The following TCF12 variants were observed in gnomAD, a reference collection of about 807,000 sequenced individuals.
TCF12 encodes the protein DNA-binding protein HTF4.
In TCF12, 45 loss-of-function variants were observed where a neutral mutation model predicts 86.0. The observed-to-expected ratio is 0.52, with a 90% CI of 0.41 to 0.67. The LOEUF (loss-of-function observed/expected upper bound fraction) is 0.67, where lower values mean the gene tolerates loss of function less well. Among genes scored for constraint, TCF12 ranks in the 30% least tolerant of loss-of-function variants. The pLI is 0.00. For synonymous variants in TCF12, 330 were observed against 299.6 expected (o/e 1.10, Z -1.05); for missense variants, 881 against 859.9 (o/e 1.02, Z -0.31).
At chr15:56,989,488 T>G (rs1292108780) in intron 3 of TCF12, among the ~76,000 whole-genome samples, 2 of 152,240 alleles carry the variant, frequency 1.3e-5, no homozygotes, top group Non-Finnish European at 2.9e-5. Flanking sequence ...AAATCCTGGC[T>G]ATAGTTTGCA....
At chr15:57,037,970 G>A (rs1292356724) in intron 3 of TCF12, among the ~76,000 whole-genome samples, 1 of 152,118 alleles carries the variant, frequency 6.6e-6, no homozygotes, top group African/African-American at 2.4e-5. Context: ...TGGATTTCTA[G>A]GGGTAAGGAG....
intron 5 of TCF12, chr15:57,118,245 TAAA>T (rs2050979168): frequency 6.6e-6 from 1 of 152,212 alleles, no homozygotes; most frequent in African/African-American, 2.4e-5. Context: ...TTGTAAATGT[TAAA>T]TAAAAGAGCA....
At chr15:56,984,001 C>A (rs1423149727) in intron 3 of TCF12, among the ~76,000 whole-genome samples, 164 of 43,056 alleles carry the variant, frequency 3.8e-3, no homozygotes, top group East Asian at 6.8e-3. Context: ...GACCCTGTCT[C>A]AAAAAAAAAA....
At chr15:57,043,379 A>G (rs573808035) in intron 3 of TCF12, among the ~76,000 whole-genome samples, 8 of 152,234 alleles carry the variant, frequency 5.3e-5, no homozygotes, top group South Asian at 2.1e-4. Context: ...TTCCATGGCA[A>G]CCGTATCATT....
chr15:56,942,864 A>G lies in TCF12; in HGVS notation c.148+21766A>G, dbSNP rs189457489. ...TTTGCAGAGGAAGTGCTTTATATCT[A>G]TTTGCAGTGGCTTTCACCAACCTTC... On this transcript the variant is annotated intron_variant, in intron 3 of 20. Coordinates refer to ENST00000333725, the MANE Select transcript of TCF12 (RefSeq NM_207037.2). Among the ~76,000 whole-genome samples the G allele has an allele frequency of 3.3e-5, 5 of 152,224 alleles. No individual in the cohort carries two copies. In the East Asian group the frequency reaches 5.8e-4, roughly 18 times the overall value.
At position 57,089,337 on chromosome 15, in the gene TCF12, G is replaced by T. The variant is rs537250900; in HGVS notation, c.223-2452G>T. 2.6e-5 allele frequency among the ~76,000 whole-genome samples: 4 copies of T among 152,154 alleles called. No individual in the cohort carries two copies. In the East Asian group the frequency reaches 7.7e-4, roughly 29 times the overall value. On this transcript the variant is annotated intron_variant, in intron 4 of 20. Transcript: ENST00000333725. The stretch of plus-strand genomic sequence containing the variant: ...ATATGCATATAATCTCAGTAAATAG[G>T]TATTGAGGATTCATATCCAACTCTT...
intron 5 of TCF12, among the ~76,000 whole-genome samples, chr15:57,124,608 A>C (rs913195460): frequency 6.6e-6 from 1 of 152,104 alleles, no homozygotes; most frequent in Non-Finnish European, 1.5e-5. Context: ...CTGGCCTCCA[A>C]CTGCTAATAT....
At chr15:57,171,620 T>TA (rs2055507221) in intron 6 of TCF12, among the ~76,000 whole-genome samples, 1 of 152,240 alleles carries the variant, frequency 6.6e-6, no homozygotes, top group African/African-American at 2.4e-5. Flanking sequence ...TGATGGGCCT[T>TA]ACTTCATGTT....
intron 6 of TCF12, among the ~76,000 whole-genome samples, chr15:57,185,774 C>T (rs2056632313): frequency 1.3e-5 from 2 of 152,176 alleles, no homozygotes; most frequent in South Asian, 4.2e-4. Flanking sequence ...CCCAGCCACT[C>T]AGGAGACTGA....
rs988634406 is a variant in TCF12 at position 56,918,659 on chromosome 15, G to C, written c.-270G>C. 33 of 189,564 alleles carry C rather than the reference G, an allele frequency of 1.7e-4. No individual in the cohort carries two copies. The highest frequency in any genetic ancestry group is 3.0e-4 in the Non-Finnish European group (27 of 89,826). 11.7% of individuals were successfully genotyped at this position (189,564 alleles called of 1,614,324 possible). ...ATCCGGAGGCGAGCCGAGCGCGGTG[G>C]TGAGGCCGCCTCAGCGAAAAAAATG... On this transcript the variant is annotated 5_prime_UTR_variant, in exon 1 of 21. Coordinates refer to ENST00000333725, the MANE Select transcript of TCF12 (RefSeq NM_207037.2).
At chr15:57,209,535 T>C (rs2058015437) in intron 8 of TCF12, among the ~76,000 whole-genome samples, 1 of 152,236 alleles carries the variant, frequency 6.6e-6, no homozygotes, top group South Asian at 2.1e-4. Flanking sequence ...ATATTTCTCT[T>C]ACTAGAATTC....
At chr15:57,197,034 A>G (rs111255080) in intron 7 of TCF12, among the ~76,000 whole-genome samples, 2,927 of 152,228 alleles carry the variant, frequency 0.019, 50 homozygotes, top group Non-Finnish European at 0.03. Flanking sequence ...GTGTGATGCA[A>G]TCACTAAATA....
At chr15:57,060,227 C>T (rs988144268) in intron 3 of TCF12, among the ~76,000 whole-genome samples, 3 of 152,088 alleles carry the variant, frequency 2.0e-5, no homozygotes, top group Admixed American at 1.3e-4. Context: ...AAGAAAGAGG[C>T]GGATTGCTTT....
chr15:57,194,421 C>T (rs1245925593), intron 7 of TCF12, among the ~76,000 whole-genome samples: 1 of 152,106 alleles, frequency 6.6e-6, no homozygotes, highest in Non-Finnish European at 1.5e-5. Context: ...CAGGGAGGTC[C>T]ACCGATTTCC....
chr15:56,945,427 T>TGCAGG (rs1294591678), intron 3 of TCF12, among the ~76,000 whole-genome samples: 5 of 152,156 alleles, frequency 3.3e-5, no homozygotes, highest in African/African-American at 1.2e-4. Context: ...TTTTTTATAG[T>TGCAGG]GCAGGACTGC....
chr15:57,097,130 A>G (rs1392571033), intron 5 of TCF12, among the ~76,000 whole-genome samples: 1 of 152,158 alleles, frequency 6.6e-6, no homozygotes, highest in African/African-American at 2.4e-5. Context: ...TCTTCTGTAA[A>G]CTTGATATTG....
At chr15:57,170,698 T>A (rs59900632) in intron 6 of TCF12, among the ~76,000 whole-genome samples, 58 of 2,834 alleles carry the variant, frequency 0.02, no homozygotes, top group South Asian at 0.032. Context: ...TAATATATAT[T>A]ATATATAATA....
At chr15:57,269,982 C>T (rs574231426) in intron 18 of TCF12, among the ~76,000 whole-genome samples, 2 of 152,112 alleles carry the variant, frequency 1.3e-5, no homozygotes, top group African/African-American at 4.8e-5. Flanking sequence ...TTCTGGCAGC[C>T]CTTAACATTT....
rs540531716 is a variant in TCF12, at chr15:57,172,378, C to A, written c.390+5912C>A. ...AAAGATGTAGAACAAAATTAACTAT[C>A]GACAACCTTGACCTAAATGATATGT... On this transcript the variant is annotated intron_variant, in intron 6 of 20. Coordinates refer to ENST00000333725, the MANE Select transcript of TCF12 (RefSeq NM_207037.2). 2.6e-5 allele frequency among the ~76,000 whole-genome samples: 4 copies of A among 152,290 alleles called. No individual in the cohort carries two copies. In the East Asian group the frequency reaches 7.7e-4, roughly 29 times the overall value.
Sources: gnomAD v4.1 joint callset for allele counts (sites outside exome capture counted in the v4.1 genomes callset) on GRCh38, gnomAD v4.1.1 for gene constraint, MANE v1.5 for transcripts, NCBI Gene and HGNC (gene_info 2026-07-23, HGNC 2026-07-21) for gene names.